Variants in TBC1D9 observed in about 807,000 individuals in gnomAD.
The protein encoded by TBC1D9 is TBC1 domain family member 9.
In TBC1D9, 63 loss-of-function variants were observed where a neutral mutation model predicts 132.0. The observed-to-expected ratio is 0.48, with a 90% confidence interval of 0.39 to 0.59. TBC1D9 has a LOEUF of 0.59. Ranked by LOEUF, TBC1D9 falls within the 20% of genes least tolerant of loss-of-function variation. The pLI is 0.00. For synonymous variants in TBC1D9, 610 were observed against 609.9 expected, an observed-to-expected ratio of 1.00 and a Z score of 0.00; for missense variants, 1,261 against 1,592.7, an observed-to-expected ratio of 0.79 and a Z score of 3.54.
chr4:140,725,092 A>G (rs537143217), intron 1 of TBC1D9, among the ~76,000 whole-genome samples: 13 of 152,366 alleles, frequency 8.5e-5, no homozygotes, highest in Admixed American at 2.6e-4. Context: ...CAATTAGCCA[A>G]ATAACATATG....
At position 140,711,385 on chromosome 4, in the gene TBC1D9, C is replaced by A. The variant is rs189127414; in HGVS notation, c.131-9771G>T. Among the ~76,000 whole-genome samples, 265 of 152,220 alleles carry A rather than the reference C, an allele frequency of 1.7e-3. 2 individuals carry two copies. The highest frequency in any genetic ancestry group is 5.8e-3 in the African/African-American group (240 of 41,538). ...GAAGAGTTCATCGCTATGAAGCCCA[C>A]CTCTGTTTCTAAGAGATTAGCTATA... On this transcript the variant is annotated intron_variant, in intron 1 of 20. Transcript: ENST00000442267.
In TBC1D9 at chr4:140,622,730, T is replaced by C; in HGVS notation, c.3266A>G (p.Gln1089Arg). The C allele has an allele frequency of 6.2e-7, 1 of 1,609,198 alleles. No homozygotes were observed. Among genetic ancestry groups the C allele is most frequent in the Non-Finnish European group, 8.5e-7 (1 of 1,179,762 alleles). The change falls in exon 21 of 21, where the codon CAG (glutamine) becomes CGG (arginine). Residue 1089 changes from glutamine to arginine, a missense_variant. By Grantham distance (43) the Gln-to-Arg change is conservative. Around this residue, in one of 3 missense-constraint regions of TBC1D9, gnomAD observed 618 missense variants for 724.4 expected, o/e 0.85. Coordinates refer to ENST00000442267, the MANE Select transcript of TBC1D9 (RefSeq NM_015130.3). ...GGGGAAGAGCACGCCTGGGATGCCC[T>C]GGTGGCAGGACGGCCCACTGCCTCC... ...GSGGSGPSCH[Q>R]GIPGVLFPKK...
chr4:140,669,895 A>C (rs996565570), intron 7 of TBC1D9, 91 bp from the exon 8 acceptor site: 6 of 1,280,628 alleles, frequency 4.7e-6, no homozygotes, highest in Admixed American at 4.6e-5. Context: ...CAAAAGCTAC[A>C]TCATTTTTTT....
At chr4:140,695,314 G>C (rs1389011344) in intron 2 of TBC1D9, among the ~76,000 whole-genome samples, 3 of 152,136 alleles carry the variant, frequency 2.0e-5, no homozygotes, top group Admixed American at 1.3e-4. Context: ...CAGGCAAGAC[G>C]ATAGCTGCTC....
At position 140,649,348 on chromosome 4, in the gene TBC1D9, T is replaced by C. The variant is rs953689324; in HGVS notation, c.2337+7749A>G. Among the ~76,000 whole-genome samples the C allele has an allele frequency of 3.3e-5, 5 of 152,348 alleles. No homozygotes were observed. The East Asian group carries it at 9.6e-4, about 29-fold the overall frequency. Reference sequence around the variant, plus strand: ...TCAAATTATGCTCAAAATGCCTCTTTGGTGTTTCTGAATTTGTGGGGTTAT... The same window carrying C: ...TCAAATTATGCTCAAAATGCCTCTTCGGTGTTTCTGAATTTGTGGGGTTAT... On this transcript the variant is annotated intron_variant, in intron 13 of 20. Transcript: ENST00000442267.
chr4:140,698,653 G>A (rs6851134), intron 2 of TBC1D9, among the ~76,000 whole-genome samples: 14,668 of 151,290 alleles, frequency 0.097, 1,405 homozygotes, highest in African/African-American at 0.25. Flanking sequence ...CAGGAGAATC[G>A]CTTGAGCCTA....
chr4:140,750,752 T>C (rs1738912117), intron 1 of TBC1D9, among the ~76,000 whole-genome samples: 1 of 152,104 alleles, frequency 6.6e-6, no homozygotes, highest in Admixed American at 6.6e-5. Context: ...TCAATCAAAA[T>C]CTCAATAGCT....
intron 2 of TBC1D9, among the ~76,000 whole-genome samples, chr4:140,692,826 C>T (rs1737897010): frequency 6.6e-6 from 1 of 152,004 alleles, no homozygotes; most frequent in Non-Finnish European, 1.5e-5. Flanking sequence ...TCGAGACCAG[C>T]CTGGGCAACA....
At chr4:140,654,890 T>C (rs896785026) in intron 13 of TBC1D9, among the ~76,000 whole-genome samples, 1 of 152,140 alleles carries the variant, frequency 6.6e-6, no homozygotes, top group Non-Finnish European at 1.5e-5. Flanking sequence ...AGAGATGTGA[T>C]ATTTGGGTAC....
chr4:140,626,666 A>G (rs757239143), intron 18 of TBC1D9, among the ~76,000 whole-genome samples: 112 of 152,232 alleles, frequency 7.4e-4, no homozygotes, highest in Non-Finnish European at 1.3e-3. Flanking sequence ...AAGACAAAAC[A>G]GTATATGAAT....
At chr4:140,742,964 A>G (rs1738783400) in intron 1 of TBC1D9, among the ~76,000 whole-genome samples, 1 of 151,952 alleles carries the variant, frequency 6.6e-6, no homozygotes, top group African/African-American at 2.4e-5. Flanking sequence ...AAATGTACAT[A>G]CAGTATCAGG....
At chr4:140,745,401 C>T (rs556896670) in intron 1 of TBC1D9, among the ~76,000 whole-genome samples, 1 of 152,142 alleles carries the variant, frequency 6.6e-6, no homozygotes, top group Non-Finnish European at 1.5e-5. Context: ...GTTTGAACTG[C>T]CTGGATCTAC....
chr4:140,657,594 G>A lies in TBC1D9; in HGVS notation c.2140C>T (p.Leu714=). Residue 714 remains leucine, a synonymous_variant, in exon 12 of 21, where the codon CTG becomes TTG. Coordinates refer to ENST00000442267, the MANE Select transcript of TBC1D9 (RefSeq NM_015130.3). ...AACAGTTTGTCCACATTTGCATCCA[G>A]CACAGCTAGGGCCAACTGGAATATC... The part of the protein sequence containing the change: ...KVIFQLALAV[L]DANVDKLLNC... 6.2e-7 allele frequency: 1 copy of A among 1,613,990 alleles called. No homozygotes were observed. The highest frequency in any genetic ancestry group is 8.5e-7 in the Non-Finnish European group (1 of 1,179,894).
rs1307423881 is a variant in TBC1D9 at position 140,686,371 on chromosome 4, G to A, written c.333C>T (p.Ile111=). Residue 111 remains isoleucine, a synonymous_variant, in exon 3 of 21, where the codon ATC becomes ATT. Coordinates refer to ENST00000442267, the MANE Select transcript of TBC1D9 (RefSeq NM_015130.3). ...GTATTTTTCCTCTCACAAATGTGGTGATATCATTCTCATTTTCAAAGATGG... is the reference window on the plus strand; with the variant it reads ...GTATTTTTCCTCTCACAAATGTGGTAATATCATTCTCATTTTCAAAGATGG... ...TLSIFENEND[I]TTFVRGKIQG... 1.2e-5 allele frequency: 19 copies of A among 1,605,008 alleles called. No homozygotes were observed. The highest frequency in any genetic ancestry group is 1.7e-5 in the Admixed American group (1 of 59,746).
intron 1 of TBC1D9, among the ~76,000 whole-genome samples, chr4:140,724,521 T>C (rs908185056): frequency 1.3e-5 from 2 of 151,750 alleles, no homozygotes; most frequent in Non-Finnish European, 2.9e-5. Flanking sequence ...AATTTTAGAG[T>C]GGTGAAGGCT....
chr4:140,753,919 T>G (rs1738963902), intron 1 of TBC1D9, among the ~76,000 whole-genome samples: 1 of 152,344 alleles, frequency 6.6e-6, no homozygotes, highest in East Asian at 1.9e-4. Flanking sequence ...CACCAAGGTA[T>G]TAGACCAAAC....
chr4:140,691,955 A>C (rs1279856681), intron 2 of TBC1D9, among the ~76,000 whole-genome samples: 1 of 152,222 alleles, frequency 6.6e-6, no homozygotes, highest in Non-Finnish European at 1.5e-5. Context: ...CTGAGGATTA[A>C]GAACAAAGGT....
intron 10 of TBC1D9, among the ~76,000 whole-genome samples, chr4:140,661,049 G>C (rs1433511468): frequency 1.3e-5 from 2 of 152,080 alleles, no homozygotes; most frequent in African/African-American, 4.8e-5. Context: ...CGAGTAGCTG[G>C]GACTACAGGC....
chr4:140,677,221 C>G, intron 5 of TBC1D9, 120 bp from the exon 6 acceptor site: 1 of 1,097,972 alleles, frequency 9.1e-7, no homozygotes, highest in Non-Finnish European at 1.3e-6. Flanking sequence ...ACTCATCCCC[C>G]GCTTCTCAGC....
Sources: gnomAD v4.1 joint callset for allele counts (sites outside exome capture counted in the v4.1 genomes callset) on GRCh38, gnomAD v4.1.1 for gene constraint, gnomAD v4.1.1 regional missense constraint, MANE v1.5 for transcripts, NCBI Gene and HGNC (gene_info 2026-07-23, HGNC 2026-07-21) for gene names.